Variants in CLMP observed in about 807,000 individuals in gnomAD.
CLMP encodes the protein CXADR-like membrane protein.
A neutral mutation model predicts 45.2 loss-of-function variants in CLMP; 27 were observed. The ratio of observed to expected loss-of-function variants is 0.60; its 90% confidence interval spans 0.44 to 0.82. The LOEUF (loss-of-function observed/expected upper bound fraction) is 0.82, where lower values mean the gene tolerates loss of function less well. Among genes scored for constraint, CLMP ranks in the 40% least tolerant of loss-of-function variants. The pLI is 0.00. For missense variants in CLMP, 403 were observed against 448.4 expected (o/e 0.90, Z 0.91); for synonymous variants, 167 against 171.4 (o/e 0.97, Z 0.20).
chr11:123,164,787 A>C (rs938245487), intron 1 of CLMP, among the ~76,000 whole-genome samples: 2 of 152,144 alleles, frequency 1.3e-5, no homozygotes, highest in South Asian at 4.1e-4. Context: ...CAGCCTCAAT[A>C]AAGTAAGTGC....
intron 1 of CLMP, among the ~76,000 whole-genome samples, chr11:123,173,040 C>G (rs935034870): frequency 1.3e-5 from 2 of 152,232 alleles, no homozygotes; most frequent in Non-Finnish European, 2.9e-5. Context: ...AGATGTCACA[C>G]CTTGCACCCT....
chr11:123,159,932 A>C (rs1029073584), intron 1 of CLMP, among the ~76,000 whole-genome samples: 1 of 152,176 alleles, frequency 6.6e-6, no homozygotes, highest in African/African-American at 2.4e-5. Context: ...TTTTGTAACA[A>C]GCTGTTAAAT....
intron 1 of CLMP, among the ~76,000 whole-genome samples, chr11:123,144,149 C>A (rs1231546118): frequency 8.2e-6 from 1 of 121,314 alleles, no homozygotes; most frequent in African/African-American, 3.9e-5. Flanking sequence ...TCCTGCTGAG[C>A]CATAGCTGGA....
In CLMP at chr11:123,129,917, CT is replaced by C. The variant is rs112070510; in HGVS notation, c.29-31966del. 8.3e-4 allele frequency among the ~76,000 whole-genome samples: 121 copies of C among 145,400 alleles called. No homozygotes were observed. The East Asian group carries it at 9.1e-3, about 11-fold the overall frequency. On this transcript the variant is annotated intron_variant, in intron 1 of 6. Coordinates refer to ENST00000448775, the MANE Select transcript of CLMP (RefSeq NM_024769.5). ...ACTCCTTCCTTTTTATCAAAACACA[CT>C]TTTTTTTTTTCCTGGAGGCTCCAGA...
chr11:123,175,161 A>G (rs992982458), intron 1 of CLMP, among the ~76,000 whole-genome samples: 6 of 152,150 alleles, frequency 3.9e-5, no homozygotes, highest in African/African-American at 1.4e-4. Context: ...GTATTAGTCC[A>G]TTTTCACACT....
intron 1 of CLMP, among the ~76,000 whole-genome samples, chr11:123,105,270 T>TC (rs1860525371): frequency 6.6e-6 from 1 of 152,214 alleles, no homozygotes; most frequent in Non-Finnish European, 1.5e-5. Context: ...AGGGACTTTT[T>TC]CTCACATGAC....
chr11:123,086,008 C>T (rs932351128), intron 2 of CLMP, among the ~76,000 whole-genome samples: 4 of 152,004 alleles, frequency 2.6e-5, no homozygotes, highest in Non-Finnish European at 5.9e-5. Context: ...AACTCCTGAC[C>T]TCAGATGATC....
chr11:123,080,590 G>A (rs1041012796), intron 5 of CLMP, among the ~76,000 whole-genome samples: 2 of 152,170 alleles, frequency 1.3e-5, no homozygotes, highest in African/African-American at 2.4e-5. Context: ...GCCTCCCAAA[G>A]TGTTGGGATT....
intron 1 of CLMP, among the ~76,000 whole-genome samples, chr11:123,104,153 T>A (rs1158934959): frequency 7.1e-6 from 1 of 141,414 alleles, no homozygotes; most frequent in African/African-American, 2.7e-5. Flanking sequence ...TTTTTTTTTT[T>A]AATCCAGATT....
Position 123,091,079 on chromosome 11 carries a change from C to T in CLMP, c.187-6366G>A, listed in dbSNP as rs183816683. ...ACTGGAGTGATTCTTTTCCTTCTTT[C>T]TTTCTCTCTCTCTCTCTTTCTTTGT... On this transcript the variant is annotated intron_variant, in intron 2 of 6. Transcript: ENST00000448775. Among the ~76,000 whole-genome samples, 9 of 152,030 alleles carry T rather than the reference C, an allele frequency of 5.9e-5. No individual in the cohort carries two copies. The East Asian group carries it at 1.7e-3, about 29-fold the overall frequency.
At chr11:123,139,096 T>C (rs940640616) in intron 1 of CLMP, among the ~76,000 whole-genome samples, 3 of 152,108 alleles carry the variant, frequency 2.0e-5, no homozygotes, top group African/African-American at 7.2e-5. Flanking sequence ...TTATGTATGG[T>C]GTATGGCGGC....
intron 1 of CLMP, among the ~76,000 whole-genome samples, chr11:123,105,941 C>G (rs548640899): frequency 1.3e-5 from 2 of 151,636 alleles, no homozygotes; most frequent in Admixed American, 6.6e-5. Flanking sequence ...CTCAGCCTCC[C>G]GAGTAGCTGG....
chr11:123,149,156 G>A (rs1291730527), intron 1 of CLMP, among the ~76,000 whole-genome samples: 10 of 152,130 alleles, frequency 6.6e-5, no homozygotes, highest in Admixed American at 5.9e-4. Context: ...TACATGCCAC[G>A]TGTTCATCTG....
At position 123,086,238 on chromosome 11, in the gene CLMP, A is replaced by G. The variant is rs116923515; in HGVS notation, c.187-1525T>C. On this transcript the variant is annotated intron_variant, in intron 2 of 6. Transcript: ENST00000448775. ...ATCTCTTCTTTGGTTCAAGTGATTT[A>G]TAATCAAGTGAGATTAACAAGGAAA... is the stretch of plus-strand genomic sequence containing the variant. 4.4e-3 allele frequency among the ~76,000 whole-genome samples: 663 copies of G among 152,358 alleles called. 1 individual carries two copies. The highest frequency in any genetic ancestry group is 6.8e-3 in the Middle Eastern group (2 of 294).
At chr11:123,137,932 G>A (rs1861102445) in intron 1 of CLMP, among the ~76,000 whole-genome samples, 1 of 152,100 alleles carries the variant, frequency 6.6e-6, no homozygotes, top group South Asian at 2.1e-4. Flanking sequence ...TAGACCACCA[G>A]TATCCCAGCA....
At chr11:123,150,470 AGAAAGAAAGAAAGGAAGG>A (rs1174323681) in intron 1 of CLMP, among the ~76,000 whole-genome samples, 13 of 106,912 alleles carry the variant, frequency 1.2e-4, no homozygotes, top group Non-Finnish European at 2.1e-4. Flanking sequence ...AAAGAAAGAA[AGAAAGAAAGAAAGGAAGG>A]AAGGAAGGAA....
intron 1 of CLMP, among the ~76,000 whole-genome samples, chr11:123,162,981 G>T (rs1861507675): frequency 1.3e-5 from 2 of 152,106 alleles, no homozygotes; most frequent in Admixed American, 1.3e-4. Context: ...AGCCATGGCA[G>T]ATTCAAGGCA....
intron 5 of CLMP, among the ~76,000 whole-genome samples, chr11:123,082,864 C>G (rs1865821982): frequency 6.6e-6 from 1 of 152,124 alleles, no homozygotes; most frequent in Non-Finnish European, 1.5e-5. Flanking sequence ...ACCTGGCCCT[C>G]CCAAAGTGCT....
chr11:123,130,571 A>G (rs1860970649), intron 1 of CLMP, among the ~76,000 whole-genome samples: 1 of 152,128 alleles, frequency 6.6e-6, no homozygotes, highest in Non-Finnish European at 1.5e-5. Flanking sequence ...CCTCGCCCAG[A>G]TGGACAGAAG....
Sources: gnomAD v4.1 joint callset for allele counts (sites outside exome capture counted in the v4.1 genomes callset) on GRCh38, gnomAD v4.1.1 for gene constraint, MANE v1.5 for transcripts, NCBI Gene and HGNC (gene_info 2026-07-23, HGNC 2026-07-21) for gene names.